The following SERPINA12 variants were observed in gnomAD, a reference collection of about 807,000 sequenced individuals.
SERPINA12 encodes serpin family A member 12, also known as serpin A12.
Under a neutral mutation model 25.9 loss-of-function variants are expected in SERPINA12, and 21 were observed. The observed-to-expected ratio is 0.81, with a 90% CI of 0.58 to 1.17. The LOEUF (loss-of-function observed/expected upper bound fraction) is 1.17. SERPINA12 is among the 50% of genes most tolerant of loss of function. SERPINA12 has a pLI of 0.00. For missense variants in SERPINA12, 562 were observed against 508.3 expected (o/e 1.11, Z -1.02); for synonymous variants, 220 against 196.0 (o/e 1.12, Z -1.02).
intron 2 of SERPINA12, among the ~76,000 whole-genome samples, chr14:94,496,938 C>A (rs1439343114): frequency 2.6e-5 from 4 of 152,198 alleles, no homozygotes; most frequent in Non-Finnish European, 5.9e-5. Flanking sequence ...TATGTCCTAA[C>A]AGAGGGGACT....
At chr14:94,504,900 T>TTAAAA (rs373676329) in intron 1 of SERPINA12, among the ~76,000 whole-genome samples, 216 of 152,338 alleles carry the variant, frequency 1.4e-3, no homozygotes, top group African/African-American at 3.8e-3. Context: ...TTTCAAAGGC[T>TTAAAA]TAAAATAAAA....
upstream of SERPINA12, chr14:94,511,605 C>G: frequency 1.0e-6 from 1 of 985,412 alleles, no homozygotes; most frequent in Non-Finnish European, 1.2e-6. Flanking sequence ...CTTCAGTTTT[C>G]CATCTCTGAG....
At chr14:94,495,107 C>T (rs946491223) in intron 3 of SERPINA12, among the ~76,000 whole-genome samples, 1 of 126,442 alleles carries the variant, frequency 7.9e-6, no homozygotes, top group Non-Finnish European at 1.6e-5. Context: ...CTCGCTCTGT[C>T]GCCCAGGCTG....
intron 3 of SERPINA12, among the ~76,000 whole-genome samples, chr14:94,489,980 C>A (rs1395635252): frequency 6.6e-6 from 1 of 152,164 alleles, no homozygotes; most frequent in Non-Finnish European, 1.5e-5. Flanking sequence ...TCCCAGCACA[C>A]CTGCCCCAGA....
At chr14:94,516,165 T>G (rs549470322) in intron 1 of SERPINA12, 30 of 151,844 alleles carry the variant, frequency 2.0e-4, no homozygotes, top group African/African-American at 7.3e-4. Flanking sequence ...CTGCAAAGAG[T>G]GATATGAGAT....
At chr14:94,493,700 G>A (rs1406930704) in intron 3 of SERPINA12, among the ~76,000 whole-genome samples, 25 of 152,156 alleles carry the variant, frequency 1.6e-4, no homozygotes, top group Admixed American at 1.4e-3. Flanking sequence ...TTCACAAGAC[G>A]CCGCTTCTGT....
intron 1 of SERPINA12, among the ~76,000 whole-genome samples, 53 bp downstream of exon 1, chr14:94,509,279 AACACACACAC>A (rs3065835): frequency 0.013 from 1,748 of 134,712 alleles, 35 homozygotes; most frequent in African/African-American, 0.045. Context: ...AGAAACAGAC[AACACACACAC>A]ACACACACAC....
At chr14:94,509,261 T>G (rs1466807793) in intron 1 of SERPINA12, among the ~76,000 whole-genome samples, 81 bp downstream of exon 1, 2 of 143,440 alleles carry the variant, frequency 1.4e-5, no homozygotes, top group African/African-American at 5.3e-5. Flanking sequence ...TTGTCTTCTC[T>G]AAGACAGAGA....
chr14:94,507,299 A>G (rs1408424208), intron 1 of SERPINA12, among the ~76,000 whole-genome samples: 1 of 152,252 alleles, frequency 6.6e-6, no homozygotes, highest in African/African-American at 2.4e-5. Flanking sequence ...TTAATAGTAG[A>G]CAATCTTTGT....
intron 1 of SERPINA12, among the ~76,000 whole-genome samples, chr14:94,506,104 A>T (rs1307434089): frequency 3.3e-5 from 5 of 152,192 alleles, no homozygotes; most frequent in Admixed American, 6.5e-5. Context: ...CCTGGTGTTC[A>T]TCAGGGGCTA....
At chr14:94,513,287 A>G (rs1230838143), upstream of SERPINA12, among the ~76,000 whole-genome samples, 1 of 152,246 alleles carries the variant, frequency 6.6e-6, no homozygotes, top group East Asian at 1.9e-4. Context: ...ATCCAAGACA[A>G]AATGAAGGAC....
At chr14:94,512,134 G>T (rs754122790), upstream of SERPINA12, among the ~76,000 whole-genome samples, 8 of 152,064 alleles carry the variant, frequency 5.3e-5, no homozygotes, top group Non-Finnish European at 1.0e-4. Context: ...CTGTGGAGGG[G>T]TGAGTTCAAC....
intron 1 of SERPINA12, among the ~76,000 whole-genome samples, chr14:94,506,179 T>A (rs193276923): frequency 6.6e-6 from 1 of 152,314 alleles, no homozygotes; most frequent in Non-Finnish European, 1.5e-5. Context: ...CCTAAGGCAC[T>A]GGTCGGAGGC....
intron 2 of SERPINA12, 45 bp downstream of exon 2, chr14:94,497,719 A>G: frequency 6.5e-7 from 1 of 1,539,192 alleles, no homozygotes; most frequent in Non-Finnish European, 8.7e-7. Flanking sequence ...ACCCAAGTCT[A>G]GTGGTCATCC....
Position 94,497,974 on chromosome 14 carries a change from G to T in SERPINA12, c.424C>A (p.Gln142Lys), listed in dbSNP as rs17090972. 1.7e-3 allele frequency: 2,810 copies of T among 1,614,164 alleles called. 32 individuals carry two copies. The African/African-American group carries it at 0.029, about 16-fold the overall frequency. Residue 142 changes from glutamine to lysine, a missense_variant, in exon 2 of 5, where the codon CAG becomes AAG. By Grantham distance (53) the Gln-to-Lys change is moderately conservative. Coordinates refer to ENST00000677451, the MANE Select transcript of SERPINA12 (RefSeq NM_001382267.1). ...AACTTACGCTGTGGCTGCAGCCTCT[G>T]GTCAATGAACAGCGTGTTCCCAATG... ...LSIGNTLFIDQRLQPQRKFLE... is the reference protein window; with the variant it reads ...LSIGNTLFIDKRLQPQRKFLE...
At position 94,498,330 on chromosome 14, in the gene SERPINA12, G is replaced by T. The variant is rs769634217; in HGVS notation, c.68C>A (p.Pro23Gln). 1.2e-6 allele frequency: 2 copies of T among 1,614,142 alleles called. No homozygotes were observed. Among genetic ancestry groups the T allele is most frequent in the Non-Finnish European group, 1.7e-6 (2 of 1,180,016 alleles). Residue 23 changes from proline to glutamine, a missense_variant, in exon 2 of 5, where the codon CCG becomes CAG. Coordinates refer to ENST00000677451, the MANE Select transcript of SERPINA12 (RefSeq NM_001382267.1). ...TTTATAATTCCTTGGTGAGAAGCTC[G>T]GCTTTAGAAGACCTTTCACCGTGAG... Reference protein sequence around the residue: ...VLLTVKGLLKPSFSPRNYKAL... With the variant: ...VLLTVKGLLKQSFSPRNYKAL...
intron 1 of SERPINA12, among the ~76,000 whole-genome samples, chr14:94,507,889 T>G (rs1012010359): frequency 2.0e-5 from 3 of 152,228 alleles, no homozygotes; most frequent in African/African-American, 7.2e-5. Flanking sequence ...AGACATGTAC[T>G]GCAATGTCCA....
intron 3 of SERPINA12, among the ~76,000 whole-genome samples, chr14:94,491,442 G>T (rs1223006657): frequency 2.0e-5 from 3 of 152,060 alleles, no homozygotes; most frequent in Non-Finnish European, 4.4e-5. Flanking sequence ...ACATAGTCTT[G>T]CTTAGGATTT....
chr14:94,506,659 C>CT (rs2139862340), intron 1 of SERPINA12, among the ~76,000 whole-genome samples: 2 of 152,364 alleles, frequency 1.3e-5, no homozygotes, highest in African/African-American at 4.8e-5. Context: ...TAACCTATTT[C>CT]TAAAGCAGTT....
Sources: allele counts gnomAD v4.1 joint callset (sites outside exome capture counted in the v4.1 genomes callset), GRCh38; gene constraint gnomAD v4.1.1; transcripts MANE v1.5; gene names NCBI Gene and HGNC (gene_info 2026-07-23, HGNC 2026-07-21).